LIPA: variants seen among roughly 807,000 people sequenced by gnomAD.
LIPA encodes the protein lipase A, lysosomal acid type, also known as lysosomal acid lipase/cholesteryl ester hydrolase.
LIPA carries 26 observed loss-of-function variants against 40.6 expected under a neutral mutation model. The ratio of observed to expected loss-of-function variants is 0.64; its 90% confidence interval spans 0.47 to 0.89. LIPA has a LOEUF of 0.89. LIPA is among the 40% of genes least tolerant of loss of function. The pLI is 0.00. For synonymous variants in LIPA, 188 were observed against 168.4 expected, an observed-to-expected ratio of 1.12 and a Z score of -0.90; for missense variants, 455 against 479.6, an observed-to-expected ratio of 0.95 and a Z score of 0.48.
rs775188256 is a variant in LIPA at position 89,338,661 on chromosome 10, T to G, written c.-2+3950A>C. On this transcript the variant is annotated intron_variant, in intron 1 of 5. Transcript: ENST00000282673. ...GTGACCATGTTTATTTTCTCCACAG[T>G]GAGGTCACCAAGAATTCCCTGGAGA... 34 of 1,609,070 alleles carry G rather than the reference T, an allele frequency of 2.1e-5. No individual in the cohort carries two copies. Among genetic ancestry groups the G allele is most frequent in the Non-Finnish European group, 2.7e-5 (32 of 1,176,980 alleles).
At position 89,214,660 on chromosome 10, in the gene LIPA, T is replaced by G; in HGVS notation, c.*168A>C. 1.7e-6 allele frequency: 1 copy of G among 599,040 alleles called. No homozygotes were observed. The highest frequency in any genetic ancestry group is 2.8e-5 in the East Asian group (1 of 35,522). 37.1% of individuals were successfully genotyped at this position (599,040 alleles called of 1,614,324 possible). ...ATTAAAGAAAAAATAGCTAGTATGT[T>G]TCTAATTGAAACTAGAGTGAACTGG... On this transcript the variant is annotated 3_prime_UTR_variant, in exon 10 of 10. Coordinates refer to ENST00000336233, the MANE Select transcript of LIPA (RefSeq NM_000235.4).
intron 1 of LIPA, chr10:89,335,678 T>G (rs1349897061): frequency 1.8e-4 from 2 of 11,382 alleles, no homozygotes; most frequent in African/African-American, 2.4e-3. Flanking sequence ...TACTCTCTAT[T>G]AATTACTAGT....
intron 2 of LIPA, chr10:89,403,221 G>A: frequency 1.2e-6 from 2 of 1,614,146 alleles, no homozygotes; most frequent in Middle Eastern, 1.6e-4. Flanking sequence ...GCAGAACAGA[G>A]AAAAGCTAGA....
At chr10:89,318,899 A>G (rs1331926079) in intron 1 of LIPA, among the ~76,000 whole-genome samples, 1 of 152,232 alleles carries the variant, frequency 6.6e-6, no homozygotes, top group Non-Finnish European at 1.5e-5. Context: ...AGAACTCAGG[A>G]TTAAGAAACT....
intron 1 of LIPA, chr10:89,332,660 G>A (rs943278607): frequency 6.2e-7 from 1 of 1,605,420 alleles, no homozygotes; most frequent in African/African-American, 1.3e-5. Flanking sequence ...ATAGGAAACA[G>A]AATTTCTTAT....
At position 89,327,650 on chromosome 10, in the gene LIPA, C is replaced by A. The variant is rs568879592; in HGVS notation, c.-2+14961G>T. On this transcript the variant is annotated intron_variant, in intron 1 of 5. Transcript: ENST00000282673. Reference sequence around the variant, plus strand: ...GGCATATCCAGCTTCCCCTTCACATCAGTTTTCAGGTTAACTTTGGAATGC... The same window carrying A: ...GGCATATCCAGCTTCCCCTTCACATAAGTTTTCAGGTTAACTTTGGAATGC... 4.6e-4 allele frequency among the ~76,000 whole-genome samples: 70 copies of A among 152,300 alleles called. 1 individual carries two copies. Among genetic ancestry groups the A allele is most frequent in the Non-Finnish European group, 8.2e-4 (56 of 68,014 alleles).
chr10:89,240,094 G>T (rs995810866), intron 3 of LIPA, among the ~76,000 whole-genome samples: 6 of 152,158 alleles, frequency 3.9e-5, no homozygotes, highest in Non-Finnish European at 7.4e-5. Flanking sequence ...ACCTGCAGGG[G>T]ACACAGGGCT....
intron 2 of LIPA, among the ~76,000 whole-genome samples, chr10:89,357,352 T>G (rs1236719786): frequency 6.6e-6 from 1 of 152,222 alleles, no homozygotes; most frequent in Non-Finnish European, 1.5e-5. Flanking sequence ...AAGCACTATG[T>G]AGCAACTGTG....
At chr10:89,402,806 C>T (rs765447548) in intron 2 of LIPA, 3 of 1,614,174 alleles carry the variant, frequency 1.9e-6, no homozygotes, top group Non-Finnish European at 2.5e-6. Flanking sequence ...ACCCTGAATC[C>T]AGCGCTGGGT....
chr10:89,266,242 ATTCT>A (rs764970490), intron 1 of LIPA, among the ~76,000 whole-genome samples: 1 of 152,236 alleles, frequency 6.6e-6, no homozygotes, highest in Non-Finnish European at 1.5e-5. Flanking sequence ...CACTAAACAC[ATTCT>A]TTCTTACTGT....
intron 2 of LIPA, chr10:89,384,844 C>T: frequency 9.7e-7 from 1 of 1,028,058 alleles, no homozygotes; most frequent in Non-Finnish European, 1.4e-6. Context: ...TTATTTTGAG[C>T]CTTGAGAGGA....
chr10:89,228,450 TATG>T (rs1405562012), intron 3 of LIPA, 52 bp from the exon 4 acceptor site: 1 of 1,393,470 alleles, frequency 7.2e-7, no homozygotes, highest in African/African-American at 1.4e-5. Context: ...TCAAAACAAA[TATG>T]ATATCTTGCT....
intron 7 of LIPA, 88 bp from the exon 8 acceptor site, chr10:89,222,670 T>C: frequency 2.3e-6 from 2 of 867,792 alleles, no homozygotes; most frequent in South Asian, 1.3e-5. Flanking sequence ...TTCAAAGCAC[T>C]AAAAACTAGA....
chr10:89,242,566 G>A lies in LIPA; in HGVS notation c.229+3110C>T, dbSNP rs116640429. 9.2e-5 allele frequency among the ~76,000 whole-genome samples: 14 copies of A among 152,280 alleles called. No homozygotes were observed. In the South Asian group the frequency reaches 2.9e-3, roughly 32 times the overall value. On this transcript the variant is annotated intron_variant, in intron 3 of 9. Transcript: ENST00000336233. ...AGCCCTGTGTTCATAAAAAAAACCT[G>A]ATCTCCAAGTGAGGCTACACAGTCA...
intron 1 of LIPA, among the ~76,000 whole-genome samples, chr10:89,272,440 A>G (rs1843270148): frequency 1.3e-5 from 2 of 152,178 alleles, no homozygotes; most frequent in South Asian, 4.1e-4. Flanking sequence ...ATTCCTTTTT[A>G]TTGCTGCGTA....
At chr10:89,266,377 C>T (rs1240261549) in intron 1 of LIPA, among the ~76,000 whole-genome samples, 1 of 152,200 alleles carries the variant, frequency 6.6e-6, no homozygotes, top group African/African-American at 2.4e-5. Context: ...CAACCACAGA[C>T]TATCCACATG....
chr10:89,353,736 C>T (rs11814461), intron 2 of LIPA, among the ~76,000 whole-genome samples: 2,613 of 152,080 alleles, frequency 0.017, 88 homozygotes, highest in African/African-American at 0.059. Context: ...GTCAGAAGAT[C>T]GAGACCATCC....
chr10:89,414,594 C>T (rs897433051), upstream of LIPA: 1 of 481,946 alleles, frequency 2.1e-6, no homozygotes, highest in African/African-American at 2.0e-5. Context: ...GCATCTGATT[C>T]AATCTCCAGT....
intron 2 of LIPA, among the ~76,000 whole-genome samples, chr10:89,377,082 A>G (rs1379614332): frequency 1.3e-5 from 2 of 152,224 alleles, no homozygotes; most frequent in Non-Finnish European, 2.9e-5. Context: ...ACATTGTAAC[A>G]ATTCACAAGA....
Sources: gnomAD v4.1 joint callset for allele counts (sites outside exome capture counted in the v4.1 genomes callset) on GRCh38, gnomAD v4.1.1 for gene constraint, MANE v1.5 for transcripts, NCBI Gene and HGNC (gene_info 2026-07-23, HGNC 2026-07-21) for gene names.